DNAAF5: variants seen among roughly 807,000 people sequenced by gnomAD.
DNAAF5 encodes the protein HEAT repeat containing 2.
In DNAAF5, 64 loss-of-function variants were observed where a neutral mutation model predicts 75.8. That is an observed-to-expected ratio of 0.84 (90% CI 0.69 to 1.04). The LOEUF is 1.04. Among genes scored for constraint, DNAAF5 ranks in the 50% least tolerant of loss-of-function variants. DNAAF5 has a pLI of 0.00. For synonymous variants in DNAAF5, 657 were observed against 557.2 expected, an observed-to-expected ratio of 1.18 and a Z score of -2.52; for missense variants, 1,269 against 1,178.5, an observed-to-expected ratio of 1.08 and a Z score of -1.12.
chr7:738,985 G>A (rs1170445489), intron 2 of DNAAF5, among the ~76,000 whole-genome samples: 1 of 152,250 alleles, frequency 6.6e-6, no homozygotes. Flanking sequence ...GGGGCAGAGT[G>A]TGCTCAGGCC....
At chr7:781,664 C>G (rs575849610) in intron 12 of DNAAF5, among the ~76,000 whole-genome samples, 2 of 150,484 alleles carry the variant, frequency 1.3e-5, no homozygotes, top group African/African-American at 4.8e-5. Flanking sequence ...ACATCCGCGC[C>G]GGGACTTGTT....
intron 8 of DNAAF5, among the ~76,000 whole-genome samples, chr7:765,645 A>T (rs757446286): frequency 6.6e-6 from 1 of 152,228 alleles, no homozygotes; most frequent in Non-Finnish European, 1.5e-5. Flanking sequence ...ACTGAAAGGC[A>T]GGAAGACTGC....
intron 2 of DNAAF5, among the ~76,000 whole-genome samples, chr7:738,965 C>T (rs994721940): frequency 1.3e-5 from 2 of 152,372 alleles, no homozygotes; most frequent in East Asian, 3.9e-4. Flanking sequence ...TGCTCCCTGG[C>T]TGCCGGCCTG....
intron 2 of DNAAF5, among the ~76,000 whole-genome samples, chr7:734,366 G>A (rs980760750): frequency 6.6e-6 from 1 of 152,184 alleles, no homozygotes; most frequent in Non-Finnish European, 1.5e-5. Context: ...CGTAGTTCTT[G>A]TCCTTCATTC....
Position 734,221 on chromosome 7 carries a change from G to A in DNAAF5, c.780+4374G>A, listed in dbSNP as rs117247053. ...TTTCAATTTTTCCCCATTCAGTGTG[G>A]TACTAGCTGTGAGTCTTGTATATGG... On this transcript the variant is annotated intron_variant, in intron 2 of 12. Coordinates refer to ENST00000297440, the MANE Select transcript of DNAAF5 (RefSeq NM_017802.4). 3.8e-3 allele frequency among the ~76,000 whole-genome samples: 572 copies of A among 152,306 alleles called. 2 individuals are homozygous for A. The highest frequency in any genetic ancestry group is 6.6e-3 in the Non-Finnish European group (448 of 68,030).
intron 4 of DNAAF5, among the ~76,000 whole-genome samples, chr7:753,607 C>CTG (rs5881882): frequency 6.9e-6 from 1 of 144,418 alleles, no homozygotes; most frequent in Non-Finnish European, 1.5e-5. Flanking sequence ...ACGTGTCTCT[C>CTG]ATCATATGGG....
At chr7:782,286 GA>G (rs1211393461) in intron 12 of DNAAF5, among the ~76,000 whole-genome samples, 1 of 150,554 alleles carries the variant, frequency 6.6e-6, no homozygotes, top group Non-Finnish European at 1.5e-5. Flanking sequence ...CGCGGCATCA[GA>G]AACTCGGATC....
chr7:760,533 C>T (rs1016544245), intron 6 of DNAAF5, among the ~76,000 whole-genome samples: 1 of 152,136 alleles, frequency 6.6e-6, no homozygotes, highest in Non-Finnish European at 1.5e-5. Context: ...ATCTATGATC[C>T]CAGCACTTTG....
intron 12 of DNAAF5, among the ~76,000 whole-genome samples, chr7:783,910 CCT>C (rs1183108266): frequency 6.6e-6 from 1 of 152,174 alleles, no homozygotes; most frequent in Admixed American, 6.5e-5. Flanking sequence ...CAGCCCCGGC[CCT>C]CTCGCCTCCC....
In DNAAF5 at chr7:780,077, G is replaced by A. The variant is rs1778886118; in HGVS notation, c.2364G>A (p.Gln788=). The part of the protein sequence containing the change: ...NAKSYYQSSV[Q]YLYRELLVHL... ...AATCCTACTATCAGAGCAGTGTCCA[G>A]TACCTGTACCGAGAGTTGCTGGTTC... The change falls in exon 12 of 13, where the codon CAG becomes CAA. Residue 788 remains glutamine (Q), a synonymous_variant. Coordinates refer to ENST00000297440, the MANE Select transcript of DNAAF5 (RefSeq NM_017802.4). 2 of 1,614,236 alleles carry A rather than the reference G, an allele frequency of 1.2e-6. No homozygotes were observed. Among genetic ancestry groups the A allele is most frequent in the Non-Finnish European group, 1.7e-6 (2 of 1,180,034 alleles).
intron 2 of DNAAF5, among the ~76,000 whole-genome samples, chr7:736,286 C>T (rs1403616581): frequency 6.6e-6 from 1 of 152,210 alleles, no homozygotes; most frequent in Non-Finnish European, 1.5e-5. Context: ...GATGATTTGT[C>T]CAGTACTGGA....
intron 2 of DNAAF5, among the ~76,000 whole-genome samples, chr7:731,433 G>A (rs938676670): frequency 4.6e-5 from 7 of 152,146 alleles, no homozygotes; most frequent in East Asian, 1.9e-4. Flanking sequence ...TAACTATACC[G>A]TAACTCTAAA....
chr7:765,083 T>C (rs1025358582), intron 8 of DNAAF5, among the ~76,000 whole-genome samples: 8 of 152,228 alleles, frequency 5.3e-5, no homozygotes, highest in Non-Finnish European at 1.0e-4. Flanking sequence ...ACTGCACTGC[T>C]GCACTCCAGC....
At chr7:738,870 G>C (rs1781814584) in intron 2 of DNAAF5, among the ~76,000 whole-genome samples, 1 of 152,242 alleles carries the variant, frequency 6.6e-6, no homozygotes, top group African/African-American at 2.4e-5. Context: ...TGGCCGTCCT[G>C]GGTGGGGCCC....
At chr7:774,352 C>G (rs1778682706) in intron 10 of DNAAF5, among the ~76,000 whole-genome samples, 154 bp downstream of exon 10, 1 of 152,184 alleles carries the variant, frequency 6.6e-6, no homozygotes, top group Admixed American at 6.5e-5. Flanking sequence ...ACACTGGCGG[C>G]GGAAGGGCAG....
chr7:732,501 A>G (rs1781618189), intron 2 of DNAAF5: 6 of 455,848 alleles, frequency 1.3e-5, no homozygotes, highest in African/African-American at 2.0e-5. Context: ...TGGTGAGGCC[A>G]CCAGGCCTGT....
At position 746,431 on chromosome 7, in the gene DNAAF5, TGCCCAGGGCC is replaced by T. The variant is rs1343044042; in HGVS notation, c.1024+4967_1024+4976del. 7.9e-5 allele frequency among the ~76,000 whole-genome samples: 5 copies of T among 63,654 alleles called. No individual in the cohort carries two copies. In the East Asian group the frequency reaches 2.3e-3, roughly 30 times the overall value. The allele number at this position is 63,654 out of a possible 152,430, so 41.8% of individuals were successfully genotyped here. ...CCGTCCTGCTGCCCCCCACCCAACA[TGCCCAGGGCC>T]TGTGACGCCCTCCTTACCGTCCTGC... is the stretch of plus-strand genomic sequence containing the variant. On this transcript the variant is annotated intron_variant, in intron 4 of 12. Transcript: ENST00000297440.
intron 6 of DNAAF5, among the ~76,000 whole-genome samples, chr7:758,765 C>T (rs1782560504): frequency 6.6e-6 from 1 of 152,088 alleles, no homozygotes; most frequent in Non-Finnish European, 1.5e-5. Context: ...TCACTGCAGC[C>T]TCCGCCTCCC....
chr7:746,861 T>C (rs1694148204), intron 4 of DNAAF5, among the ~76,000 whole-genome samples: 1 of 152,220 alleles, frequency 6.6e-6, no homozygotes, highest in Non-Finnish European at 1.5e-5. Flanking sequence ...GTGGGCTGCG[T>C]CCTGTGTGTC....
Sources: gnomAD v4.1 joint callset for allele counts (sites outside exome capture counted in the v4.1 genomes callset) on GRCh38, gnomAD v4.1.1 for gene constraint, MANE v1.5 for transcripts, NCBI Gene and HGNC (gene_info 2026-07-23, HGNC 2026-07-21) for gene names.